The following METAP2 variants were observed in gnomAD, a reference collection of about 807,000 sequenced individuals.
The protein encoded by METAP2 is methionine aminopeptidase 2.
METAP2 carries 25 observed loss-of-function variants against 59.4 expected under a neutral mutation model. That is an observed-to-expected ratio of 0.42 (90% CI 0.31 to 0.59). METAP2 has a LOEUF of 0.59. METAP2 is among the 20% of genes least tolerant of loss of function. The probability of loss-of-function intolerance (pLI) is 0.16; values close to 1 mark genes in which losing one functional copy is unlikely to be tolerated. For synonymous variants in METAP2, 214 were observed against 194.1 expected, an observed-to-expected ratio of 1.10 and a Z score of -0.85; for missense variants, 366 against 581.2, an observed-to-expected ratio of 0.63 and a Z score of 3.81.
At chr12:95,503,421 G>A (rs539480046) in intron 7 of METAP2, among the ~76,000 whole-genome samples, 3 of 152,206 alleles carry the variant, frequency 2.0e-5, no homozygotes, top group East Asian at 3.9e-4. Context: ...GAGTATGGAC[G>A]GGAGGCCATG....
At chr12:95,510,147 CT>C (rs1276805035) in intron 8 of METAP2, among the ~76,000 whole-genome samples, 1 of 152,028 alleles carries the variant, frequency 6.6e-6, no homozygotes, top group Non-Finnish European at 1.5e-5. Context: ...GTTTTTAGCC[CT>C]TTTTTAAAAT....
intron 1 of METAP2, 91 bp from the exon 2 acceptor site, chr12:95,475,980 A>G (rs929863985): frequency 2.8e-5 from 20 of 726,146 alleles, no homozygotes; most frequent in Admixed American, 6.6e-5. Context: ...TCCTGAGGAA[A>G]GGATTTGTAA....
chr12:95,505,436 T>C (rs976933078), intron 8 of METAP2, among the ~76,000 whole-genome samples: 2 of 151,742 alleles, frequency 1.3e-5, no homozygotes, highest in African/African-American at 4.8e-5. Context: ...CAAGCGATTC[T>C]GCCTCAGCCT....
At chr12:95,486,004 C>T in intron 4 of METAP2, 23 bp downstream of exon 4, 8 of 1,464,746 alleles carry the variant, frequency 5.5e-6, no homozygotes, top group Non-Finnish European at 7.5e-6. Context: ...AAATCACTTC[C>T]AGTTTAATTT....
rs1203486058 is a variant in METAP2, at chr12:95,514,622, C to G, written c.*718C>G. The G allele has an allele frequency of 6.6e-6, 1 of 152,154 alleles. No individual in the cohort carries two copies. The highest frequency in any genetic ancestry group is 1.9e-4 in the East Asian group (1 of 5,202). 9.4% of individuals were successfully genotyped at this position (152,154 alleles called of 1,614,324 possible). Reference sequence around the variant, plus strand: ...GAAAGATGTGCTAATTGAAACTTGACTTAGTAGGAACATTGTGCCAACTCA... The same window carrying G: ...GAAAGATGTGCTAATTGAAACTTGAGTTAGTAGGAACATTGTGCCAACTCA... On this transcript the variant is annotated 3_prime_UTR_variant, in exon 11 of 11. Coordinates refer to ENST00000323666, the MANE Select transcript of METAP2 (RefSeq NM_006838.4).
At position 95,514,266 on chromosome 12, in the gene METAP2, G is replaced by C. The variant is rs2076427691; in HGVS notation, c.*362G>C. The C allele has an allele frequency of 5.3e-6, 1 of 188,082 alleles. No individual in the cohort carries two copies. The highest frequency in any genetic ancestry group is 5.9e-5 in the Admixed American group (1 of 16,972). The allele number at this position is 188,082 out of a possible 1,614,324, so 11.7% of individuals were successfully genotyped here. On this transcript the variant is annotated 3_prime_UTR_variant, in exon 11 of 11. Coordinates refer to ENST00000323666, the MANE Select transcript of METAP2 (RefSeq NM_006838.4). ...GCTTTGAATGACTACATCCAGTTCT[G>C]CACCTATACCCTCTGGTGTTGCTTT...
chr12:95,506,292 T>C (rs981404462), intron 8 of METAP2, among the ~76,000 whole-genome samples: 40 of 148,598 alleles, frequency 2.7e-4, no homozygotes, highest in African/African-American at 9.6e-4. Context: ...TTCTAATATA[T>C]ATGCTTTTTT....
chr12:95,509,159 C>G (rs2076383299), intron 8 of METAP2, among the ~76,000 whole-genome samples: 1 of 152,108 alleles, frequency 6.6e-6, no homozygotes, highest in African/African-American at 2.4e-5. Flanking sequence ...TCCCCTGTAC[C>G]CTCATTTTTC....
chr12:95,509,010 CAT>C (rs747873934), intron 8 of METAP2, among the ~76,000 whole-genome samples: 1 of 152,114 alleles, frequency 6.6e-6, no homozygotes, highest in Non-Finnish European at 1.5e-5. Flanking sequence ...AATCAAAACA[CAT>C]AGCACAAACG....
chr12:95,483,152 A>G, intron 2 of METAP2, 63 bp from the exon 3 acceptor site: 1 of 1,209,204 alleles, frequency 8.3e-7, no homozygotes, highest in Non-Finnish European at 1.2e-6. Context: ...GTCTCCTTGT[A>G]CTTGCTTTGT....
rs772858401 is a variant in METAP2, at chr12:95,513,938, TC to T, written c.*35del. On this transcript the variant is annotated 3_prime_UTR_variant, in exon 11 of 11. Coordinates refer to ENST00000323666, the MANE Select transcript of METAP2 (RefSeq NM_006838.4). Reference sequence around the variant, plus strand: ...CAAAGCCACCTCAACACCTTTATTTTCTGAGCTTTGTTGGAAAACATGATAC... The same window carrying T: ...CAAAGCCACCTCAACACCTTTATTTTTGAGCTTTGTTGGAAAACATGATAC... 2.4e-5 allele frequency: 38 copies of T among 1,574,674 alleles called. No individual in the cohort carries two copies. Among genetic ancestry groups the T allele is most frequent in the Non-Finnish European group, 3.3e-5 (38 of 1,160,372 alleles).
chr12:95,504,730 C>T (rs573712264), intron 8 of METAP2, among the ~76,000 whole-genome samples: 16 of 152,018 alleles, frequency 1.1e-4, no homozygotes, highest in Non-Finnish European at 1.8e-4. Flanking sequence ...TTTTGAACTA[C>T]TGAGCTCAAG....
rs745357055 is a variant in METAP2 at position 95,504,154 on chromosome 12, A to C, written c.957A>C (p.Thr319=). ...ESYEVEIDGK[T]YQVKPIRNLN... ...ATGAAGTTGAAATAGATGGGAAGACATATCAAGGTATGTTCTTTTAAAATA... is the reference window on the plus strand; with the variant it reads ...ATGAAGTTGAAATAGATGGGAAGACCTATCAAGGTATGTTCTTTTAAAATA... The change falls in exon 8 of 11, where the codon ACA becomes ACC. Residue 319 remains threonine, a synonymous_variant. Transcript: ENST00000323666. 1.9e-6 allele frequency: 3 copies of C among 1,587,690 alleles called. No homozygotes were observed. Among genetic ancestry groups the C allele is most frequent in the Non-Finnish European group, 1.7e-6 (2 of 1,157,256 alleles).
rs1251023284 is a variant in METAP2, at chr12:95,514,892, TTAACA to T, written c.*990_*994del. 1 of 152,318 alleles carries T rather than the reference TTAACA, an allele frequency of 6.6e-6. No individual in the cohort carries two copies. The highest frequency in any genetic ancestry group is 1.5e-5 in the Non-Finnish European group (1 of 68,012). 9.4% of individuals were successfully genotyped at this position (152,318 alleles called of 1,614,324 possible). ...CTTCCCCTTTGACAGGTTTGGATTC[TTAACA>T]TTACTAGTGGTATTTCAGGAAGTGA... On this transcript the variant is annotated 3_prime_UTR_variant, in exon 11 of 11. Transcript: ENST00000323666.
chr12:95,512,698 G>A (rs1298082477), intron 9 of METAP2, 103 bp from the exon 10 acceptor site: 4 of 665,782 alleles, frequency 6.0e-6, no homozygotes, highest in African/African-American at 1.8e-5. Context: ...GCAGCAGAGA[G>A]AGACTCTGTC....
At chr12:95,500,312 T>A (rs1160848808) in intron 7 of METAP2, among the ~76,000 whole-genome samples, 2 of 152,224 alleles carry the variant, frequency 1.3e-5, no homozygotes, top group African/African-American at 4.8e-5. Flanking sequence ...TGTGGAATCT[T>A]TAGGGTTTTC....
At chr12:95,499,932 A>G (rs972914579) in intron 7 of METAP2, among the ~76,000 whole-genome samples, 17 of 152,186 alleles carry the variant, frequency 1.1e-4, no homozygotes, top group African/African-American at 4.1e-4. Context: ...AGAACTTCCT[A>G]TCATGAGAAC....
intron 7 of METAP2, among the ~76,000 whole-genome samples, chr12:95,497,230 A>T (rs1015613828): frequency 6.6e-6 from 1 of 152,134 alleles, no homozygotes; most frequent in Admixed American, 6.5e-5. Context: ...CTGAAACTCT[A>T]TACTCATTAA....
At chr12:95,503,698 C>T (rs912356585) in intron 7 of METAP2, among the ~76,000 whole-genome samples, 1 of 152,184 alleles carries the variant, frequency 6.6e-6, no homozygotes, top group African/African-American at 2.4e-5. Context: ...ACGAGCCAAC[C>T]ATGAGTTTAT....
Sources: allele counts gnomAD v4.1 joint callset (sites outside exome capture counted in the v4.1 genomes callset), GRCh38; gene constraint gnomAD v4.1.1; transcripts MANE v1.5; gene names NCBI Gene and HGNC (gene_info 2026-07-23, HGNC 2026-07-21).